Variants in DCAF8 observed in about 807,000 individuals in gnomAD.
The protein encoded by DCAF8 is DDB1- and CUL4-associated factor 8.
DCAF8 carries 20 observed loss-of-function variants against 68.0 expected under a neutral mutation model. That is an observed-to-expected ratio of 0.29 (90% CI 0.21 to 0.43). The LOEUF (loss-of-function observed/expected upper bound fraction) is 0.43, where lower values mean the gene tolerates loss of function less well. Ranked by LOEUF, DCAF8 falls within the 20% of genes least tolerant of loss-of-function variation. DCAF8 has a pLI of 1.00. For missense variants in DCAF8, 460 were observed against 771.0 expected (o/e 0.60, Z 4.78); for synonymous variants, 230 against 276.9 (o/e 0.83, Z 1.68).
At chr1:160,240,470 A>G in intron 3 of DCAF8, 100 bp from the exon 4 acceptor site, 2 of 1,192,602 alleles carry the variant, frequency 1.7e-6, no homozygotes, top group Non-Finnish European at 2.3e-6. Context: ...AGACCAAAAA[A>G]TGAACTTTGG....
At chr1:160,245,650 C>T (rs950280157) in intron 2 of DCAF8, among the ~76,000 whole-genome samples, 1 of 152,166 alleles carries the variant, frequency 6.6e-6, no homozygotes, top group Non-Finnish European at 1.5e-5. Context: ...CAACAAAAAA[C>T]AGATATGTGA....
intron 7 of DCAF8, among the ~76,000 whole-genome samples, chr1:160,230,908 T>G (rs1655658335): frequency 6.6e-6 from 1 of 152,026 alleles, no homozygotes; most frequent in Admixed American, 6.6e-5. Context: ...TGTACCACCA[T>G]GCCTGGCTAA....
At chr1:160,256,902 T>TAA (rs147368853) in intron 2 of DCAF8, among the ~76,000 whole-genome samples, 2,405 of 151,406 alleles carry the variant, frequency 0.016, 63 homozygotes, top group African/African-American at 0.049. Context: ...GAGGTAGAGA[T>TAA]AAAAAAAAAC....
Position 160,240,079 on chromosome 1 carries a change from G to C in DCAF8, c.341C>G (p.Pro114Arg). ...EEEEEEEEEQ[P>R]RRRVQRKRAN... ...CCGCTTGCGCTGTACACGGCGCCGAGGCTGCTCTTCTTCCTCCTCTTCTTC... is the reference window on the plus strand; with the variant it reads ...CCGCTTGCGCTGTACACGGCGCCGACGCTGCTCTTCTTCCTCCTCTTCTTC... Residue 114 changes from proline (P) to arginine (R), a missense_variant, in exon 4 of 14, where the codon CCT becomes CGT. Pro to Arg is a moderately radical substitution (Grantham distance 103). Coordinates refer to ENST00000368074, the MANE Select transcript of DCAF8 (RefSeq NM_015726.4). 1 of 1,614,172 alleles carries C rather than the reference G, an allele frequency of 6.2e-7. No individual in the cohort carries two copies. The highest frequency in any genetic ancestry group is 8.5e-7 in the Non-Finnish European group (1 of 1,180,018).
chr1:160,240,884 G>A (rs77827302), intron 3 of DCAF8, among the ~76,000 whole-genome samples: 2,413 of 152,276 alleles, frequency 0.016, 62 homozygotes, highest in African/African-American at 0.049. Context: ...AAAGTATCAG[G>A]CCAGGCACGG....
In DCAF8 at chr1:160,262,202, G is replaced by T. The variant is rs1657125938; in HGVS notation, c.-101+247C>A. 1.3e-5 allele frequency: 5 copies of T among 397,626 alleles called. No homozygotes were observed. The South Asian group carries it at 7.1e-4, about 56-fold the overall frequency. The allele number at this position is 397,626 out of a possible 1,614,324, so 24.6% of individuals were successfully genotyped here. On this transcript the variant is annotated intron_variant, in intron 1 of 13. Coordinates refer to ENST00000368074, the MANE Select transcript of DCAF8 (RefSeq NM_015726.4). ...TGAGCGCTAAGAGCTTGGGATACGG[G>T]TCAGGCCCATCCTTAGGGGAAACCG...
In DCAF8 at chr1:160,218,421, C is replaced by T. The variant is rs771628518; in HGVS notation, c.1580G>A (p.Arg527Gln). ...GLKDVIKKNK[R>Q]ERDEDSLHQT... ...GTGCAAGCTATCTTCATCCCGCTCCCGCTTGTTCTTCTTAATCACCTGGAA... is the reference window on the plus strand; with the variant it reads ...GTGCAAGCTATCTTCATCCCGCTCCTGCTTGTTCTTCTTAATCACCTGGAA... Residue 527 changes from arginine (R) to glutamine (Q), a missense_variant, in exon 13 of 14, where the codon CGG (arginine) becomes CAG (glutamine). Physicochemically the swap from Arg to Gln is conservative, Grantham distance 43. Coordinates refer to ENST00000368074, the MANE Select transcript of DCAF8 (RefSeq NM_015726.4). The T allele has an allele frequency of 5.6e-6, 9 of 1,614,120 alleles. No homozygotes were observed. The highest frequency in any genetic ancestry group is 6.8e-6 in the Non-Finnish European group (8 of 1,179,986).
intron 3 of DCAF8, among the ~76,000 whole-genome samples, chr1:160,242,161 C>G (rs988347434): frequency 6.6e-6 from 1 of 151,222 alleles, no homozygotes; most frequent in African/African-American, 2.4e-5. Flanking sequence ...AGAAGAATCG[C>G]TTGAACCTGG....
At chr1:160,256,012 C>CTTTTTTT (rs11284812) in intron 2 of DCAF8, among the ~76,000 whole-genome samples, 11 of 75,490 alleles carry the variant, frequency 1.5e-4, no homozygotes, top group Non-Finnish European at 2.0e-4. Context: ...ACTAAGCAAA[C>CTTTTTTT]TTTTTTTTTT....
chr1:160,215,963 T>A lies in DCAF8; in HGVS notation c.*1629A>T, dbSNP rs776596898. 1.3e-5 allele frequency: 2 copies of A among 152,118 alleles called. No individual in the cohort carries two copies. Among genetic ancestry groups the A allele is most frequent in the Non-Finnish European group, 2.9e-5 (2 of 68,022 alleles). The allele number at this position is 152,118 out of a possible 1,614,324, so 9.4% of individuals were successfully genotyped here. A position where few individuals can be genotyped will look rare whatever the true frequency, so the allele number is the denominator to read the frequency against. Reference sequence around the variant, plus strand: ...CTTTTCCCCTCCTTCCTGGCCTGATTTAGAAGAATCTGACTGTCCCAGGAT... The same window carrying A: ...CTTTTCCCCTCCTTCCTGGCCTGATATAGAAGAATCTGACTGTCCCAGGAT... On this transcript the variant is annotated 3_prime_UTR_variant, in exon 14 of 14. Transcript: ENST00000368074.
intron 2 of DCAF8, among the ~76,000 whole-genome samples, chr1:160,260,715 ATT>A (rs33929285): frequency 2.8e-4 from 40 of 140,444 alleles, no homozygotes; most frequent in Middle Eastern, 3.7e-3. Flanking sequence ...AGCAGCCACT[ATT>A]TTTTTTTTTT....
In DCAF8 at chr1:160,237,201, G is replaced by A. The variant is rs774531050; in HGVS notation, c.893C>T (p.Thr298Met). ...TGCATCTTCACCTGCAGATAAGAAC[G>A]TACAGGGAGAGTCTGGTTCCAGTGC... Reference protein sequence around the residue: ...KLALEPDSPCTFLSAGEDAVV... With the variant: ...KLALEPDSPCMFLSAGEDAVV... The change falls in exon 6 of 14, where the codon ACG (threonine) becomes ATG (methionine). Residue 298 changes from threonine (T) to methionine (M), a missense_variant. Transcript: ENST00000368074. The A allele has an allele frequency of 3.8e-6, 6 of 1,576,734 alleles. No individual in the cohort carries two copies. Among genetic ancestry groups the A allele is most frequent in the Middle Eastern group, 1.7e-4 (1 of 6,026 alleles).
chr1:160,255,677 T>C (rs755003597), intron 2 of DCAF8, among the ~76,000 whole-genome samples: 1 of 152,194 alleles, frequency 6.6e-6, no homozygotes, highest in Non-Finnish European at 1.5e-5. Flanking sequence ...TGGAGTACAC[T>C]GGTGTGATAT....
At chr1:160,233,935 A>T (rs1655780981) in intron 6 of DCAF8, among the ~76,000 whole-genome samples, 1 of 152,186 alleles carries the variant, frequency 6.6e-6, no homozygotes, top group African/African-American at 2.4e-5. Context: ...CAAATTCACC[A>T]AATTTTGCCT....
chr1:160,224,568 T>C lies in DCAF8; in HGVS notation c.1202-19A>G, dbSNP rs1276790920. 3 of 1,596,580 alleles carry C rather than the reference T, an allele frequency of 1.9e-6. No individual in the cohort carries two copies. The highest frequency in any genetic ancestry group is 1.3e-5 in the African/African-American group (1 of 74,468). On this transcript the variant is annotated intron_variant, in intron 9 of 13. Transcript: ENST00000368074. The stretch of plus-strand genomic sequence containing the variant: ...AGGAGCTCTGCCAAGAACAAGAACA[T>C]AGCAGTGAAGGCAAAGGCTGAAAAA...
chr1:160,243,431 A>G (rs1656199665), intron 3 of DCAF8, among the ~76,000 whole-genome samples: 1 of 146,988 alleles, frequency 6.8e-6, no homozygotes, highest in African/African-American at 2.5e-5. Flanking sequence ...TTTTAAAAAG[A>G]CGGGGTCTCG....
intron 11 of DCAF8, among the ~76,000 whole-genome samples, chr1:160,222,393 C>T (rs755091604): frequency 1.8e-4 from 27 of 152,170 alleles, no homozygotes; most frequent in Non-Finnish European, 2.6e-4. Flanking sequence ...TTACATCACT[C>T]AGGACAGGAC....
chr1:160,245,516 A>G (rs1656287802), intron 2 of DCAF8, among the ~76,000 whole-genome samples: 1 of 152,236 alleles, frequency 6.6e-6, no homozygotes, highest in East Asian at 1.9e-4. Flanking sequence ...CTCTGTCAAA[A>G]GACAGTAGCC....
chr1:160,250,807 T>C (rs1386723418), intron 2 of DCAF8, among the ~76,000 whole-genome samples: 1 of 152,192 alleles, frequency 6.6e-6, no homozygotes. Flanking sequence ...AGCTCAAAGT[T>C]GTTCTTGTGG....
Sources: gnomAD v4.1 joint callset for allele counts (sites outside exome capture counted in the v4.1 genomes callset) on GRCh38, gnomAD v4.1.1 for gene constraint, MANE v1.5 for transcripts, NCBI Gene and HGNC (gene_info 2026-07-23, HGNC 2026-07-21) for gene names.